The following PCDHGA1 variants were observed in gnomAD, a reference collection of about 807,000 sequenced individuals.
PCDHGA1 encodes protocadherin gamma subfamily A, 1.
In PCDHGA1, 32 loss-of-function variants were observed where a neutral mutation model predicts 58.0. The ratio of observed to expected loss-of-function variants is 0.55; its 90% confidence interval spans 0.42 to 0.74. The LOEUF (loss-of-function observed/expected upper bound fraction) is 0.74, where lower values mean the gene tolerates loss of function less well. Ranked by LOEUF, PCDHGA1 falls within the 30% of genes least tolerant of loss-of-function variation. The pLI is 0.00. For missense variants in PCDHGA1, 1,205 were observed against 1,182.3 expected, an observed-to-expected ratio of 1.02 and a Z score of -0.28; for synonymous variants, 498 against 501.1, an observed-to-expected ratio of 0.99 and a Z score of 0.08.
intron 1 of PCDHGA1, chr5:141,418,093 C>T: frequency 6.2e-7 from 1 of 1,614,032 alleles, no homozygotes; most frequent in East Asian, 2.2e-5. Flanking sequence ...TCAGCGTAGA[C>T]GCGCAGAGCG....
At chr5:141,400,802 A>C in intron 1 of PCDHGA1, 1 of 557,534 alleles carries the variant, frequency 1.8e-6, no homozygotes, top group Non-Finnish European at 3.1e-6. Context: ...TCTCAAAGCT[A>C]ATGAATTTTA....
At chr5:141,498,321 G>A (rs1477684617) in intron 2 of PCDHGA1, among the ~76,000 whole-genome samples, 2 of 151,722 alleles carry the variant, frequency 1.3e-5, no homozygotes, top group Non-Finnish European at 2.9e-5. Flanking sequence ...CTACACAGAA[G>A]GAAGAGCATT....
chr5:141,339,428 C>T, intron 1 of PCDHGA1: 1 of 1,614,216 alleles, frequency 6.2e-7, no homozygotes, highest in Non-Finnish European at 8.5e-7. Context: ...ATTCCGGATT[C>T]CTCTTAAGAA....
chr5:141,418,178 G>A, intron 1 of PCDHGA1: 1 of 1,614,080 alleles, frequency 6.2e-7, no homozygotes, highest in Non-Finnish European at 8.5e-7. Flanking sequence ...GTTGCAATTG[G>A]AAGCTGTGGT....
intron 1 of PCDHGA1, among the ~76,000 whole-genome samples, chr5:141,353,830 G>A (rs1007675238): frequency 6.6e-6 from 1 of 152,088 alleles, no homozygotes; most frequent in East Asian, 1.9e-4. Flanking sequence ...CAGTTTGTGC[G>A]GTCTTTGAGG....
rs1263406836 is a variant in PCDHGA1 at position 141,491,918 on chromosome 5, G to A, written c.2422-2889G>A. On this transcript the variant is annotated intron_variant, in intron 1 of 3. Coordinates refer to ENST00000517417, the MANE Select transcript of PCDHGA1 (RefSeq NM_018912.3). The surrounding 1 kb of genome is among the most constrained non-coding windows in gnomAD (Gnocchi z 6.9). ...GCACCGGGGGTGGTGGCGACTGTGGGCGAGGGGAGGTGGGACCGACCCCCA... is the reference window on the plus strand; with the variant it reads ...GCACCGGGGGTGGTGGCGACTGTGGACGAGGGGAGGTGGGACCGACCCCCA... 2 of 1,371,698 alleles carry A rather than the reference G, an allele frequency of 1.5e-6. No homozygotes were observed. Among genetic ancestry groups the A allele is most frequent in the Non-Finnish European group, 1.9e-6 (2 of 1,028,962 alleles). 85.0% of individuals were successfully genotyped at this position (1,371,698 alleles called of 1,614,324 possible).
At chr5:141,385,016 C>A (rs536780147) in intron 1 of PCDHGA1, 4 of 1,614,186 alleles carry the variant, frequency 2.5e-6, no homozygotes, top group Non-Finnish European at 3.4e-6. Flanking sequence ...GTCTTCCTAG[C>A]CTTCGTCCTC....
chr5:141,410,215 A>G (rs2095369286), intron 1 of PCDHGA1: 11 of 1,613,894 alleles, frequency 6.8e-6, no homozygotes, highest in Non-Finnish European at 8.5e-6. Flanking sequence ...TGCAAGAGAT[A>G]CTGCCAGACC....
intron 1 of PCDHGA1, chr5:141,407,951 A>C: frequency 1.7e-6 from 1 of 578,566 alleles, no homozygotes; most frequent in Non-Finnish European, 2.8e-6. Context: ...GCTGTCGGCC[A>C]GTGCAGAGCA....
chr5:141,451,740 G>A (rs370710201), intron 1 of PCDHGA1, among the ~76,000 whole-genome samples: 1 of 152,108 alleles, frequency 6.6e-6, no homozygotes, highest in Non-Finnish European at 1.5e-5. Context: ...AAATTAGCTG[G>A]TCTGGTGGTG....
Position 141,371,259 on chromosome 5 carries a change from A to T in PCDHGA1, c.2421+38154A>T, listed in dbSNP as rs767414793. 5 of 1,613,926 alleles carry T rather than the reference A, an allele frequency of 3.1e-6. No individual in the cohort carries two copies. In the African/African-American group the frequency reaches 6.7e-5, roughly 22 times the overall value. ...CTTCATCAATATTGGCAAGGAAGTG[A>T]GACAACTGTTCAAGCTGGACAGTAA... On this transcript the variant is annotated intron_variant, in intron 1 of 3. Transcript: ENST00000517417.
chr5:141,407,589 C>G (rs1305349867), intron 1 of PCDHGA1, among the ~76,000 whole-genome samples: 1 of 151,660 alleles, frequency 6.6e-6, no homozygotes, highest in Non-Finnish European at 1.5e-5. Context: ...ACCTTAATGT[C>G]TCATCTTAAA....
intron 1 of PCDHGA1, chr5:141,426,985 A>G (rs534298238): frequency 7.7e-5 from 35 of 456,646 alleles, no homozygotes; most frequent in Non-Finnish European, 1.3e-4. Context: ...ACTGATGCCA[A>G]CGATAATGCC....
At chr5:141,413,115 A>C in intron 1 of PCDHGA1, 1 of 1,507,478 alleles carries the variant, frequency 6.6e-7, no homozygotes, top group Non-Finnish European at 8.9e-7. Context: ...AGACAAAGGA[A>C]CCGGTTGAAA....
At chr5:141,366,394 C>T in intron 1 of PCDHGA1, 2 of 1,614,168 alleles carry the variant, frequency 1.2e-6, no homozygotes, top group Non-Finnish European at 1.7e-6. Flanking sequence ...AGGATCTGGA[C>T]CTCACACTCT....
rs755728848 is a variant in PCDHGA1 at position 141,341,457 on chromosome 5, T to A, written c.2421+8352T>A. 4.4e-6 allele frequency: 7 copies of A among 1,603,988 alleles called. No individual in the cohort carries two copies. In the South Asian group the frequency reaches 7.8e-5, roughly 18 times the overall value. On this transcript the variant is annotated intron_variant, in intron 1 of 3. Transcript: ENST00000517417. ...TTGCTGAAGTAATTCACTTACTTGT[T>A]TACTATATCTATTTTGTTCCCCATA...
In PCDHGA1 at chr5:141,349,044, A is replaced by G. The variant is rs767994432; in HGVS notation, c.2421+15939A>G. Among the ~76,000 whole-genome samples the G allele has an allele frequency of 1.4e-4, 21 of 152,128 alleles. 1 individual carries two copies. The highest frequency in any genetic ancestry group is 3.9e-4 in the Admixed American group (6 of 15,280). On this transcript the variant is annotated intron_variant, in intron 1 of 3. Coordinates refer to ENST00000517417, the MANE Select transcript of PCDHGA1 (RefSeq NM_018912.3). ...CAAACTCGTTTTGCTCATTAATGGTATAAGTCGGCTGGAGCTGAGAATTGG... is the reference window on the plus strand; with the variant it reads ...CAAACTCGTTTTGCTCATTAATGGTGTAAGTCGGCTGGAGCTGAGAATTGG...
chr5:141,404,103 G>C lies in PCDHGA1; in HGVS notation c.2421+70998G>C, dbSNP rs773489391. 14 of 1,613,372 alleles carry C rather than the reference G, an allele frequency of 8.7e-6. No homozygotes were observed. In the East Asian group the frequency reaches 2.9e-4, roughly 33 times the overall value. On this transcript the variant is annotated intron_variant, in intron 1 of 3. Transcript: ENST00000517417. ...TCCGGGAAGAATGGTCAAGTTGTCT[G>C]TTCTATCCAGGAGAATCTATCTTTT...
intron 1 of PCDHGA1, among the ~76,000 whole-genome samples, chr5:141,481,194 T>C (rs74538051): frequency 0.017 from 2,576 of 152,298 alleles, 78 homozygotes; most frequent in African/African-American, 0.059. Context: ...CCAGGCCCAA[T>C]TTTTTTAAAA....
Sources: gnomAD v4.1 joint callset for allele counts (sites outside exome capture counted in the v4.1 genomes callset) on GRCh38, gnomAD v4.1.1 for gene constraint, Gnocchi (gnomAD v3.1) non-coding constraint, MANE v1.5 for transcripts, NCBI Gene and HGNC (gene_info 2026-07-23, HGNC 2026-07-21) for gene names.